Variants in ERAP1 observed in about 807,000 individuals in gnomAD.
The protein encoded by ERAP1 is adipocyte-derived leucine aminopeptidase.
Under a neutral mutation model 103.7 loss-of-function variants are expected in ERAP1, and 86 were observed. The ratio of observed to expected loss-of-function variants is 0.83; its 90% CI spans 0.70 to 0.99. The LOEUF is 0.99. Ranked by LOEUF, ERAP1 falls within the 50% of genes least tolerant of loss-of-function variation. The probability of loss-of-function intolerance (pLI) is 0.00; values close to 1 mark genes in which losing one functional copy is unlikely to be tolerated. For missense variants in ERAP1, 1,009 were observed against 1,128.4 expected (o/e 0.89, Z 1.52); for synonymous variants, 398 against 402.4 (o/e 0.99, Z 0.13).
chr5:96,771,580 A>C, downstream of ERAP1: 1 of 1,196,238 alleles, frequency 8.4e-7, no homozygotes, highest in Non-Finnish European at 1.2e-6. Flanking sequence ...AATTCTGAGA[A>C]GGCCATCTCC....
chr5:96,818,346 C>T, the ERAP1 span, among the ~76,000 whole-genome samples: 6 of 152,062 alleles, frequency 3.9e-5, no homozygotes, highest in East Asian at 1.9e-4. Flanking sequence ...CTCTGGCCAC[C>T]GCGATGAGGC....
chr5:96,835,202 T>C, the ERAP1 span, among the ~76,000 whole-genome samples: 1 of 152,236 alleles, frequency 6.6e-6, no homozygotes, highest in African/African-American at 2.4e-5. Flanking sequence ...TTGACTGTCC[T>C]AGAAGGCTAA....
the ERAP1 span, among the ~76,000 whole-genome samples, chr5:96,852,478 T>C: frequency 6.6e-6 from 1 of 152,202 alleles, no homozygotes; most frequent in Non-Finnish European, 1.5e-5. Context: ...GTTTCTAGCC[T>C]AGGAAAGTAC....
chr5:96,764,526 C>A (rs1769133317), intron 19 of ERAP1, among the ~76,000 whole-genome samples: 1 of 152,190 alleles, frequency 6.6e-6, no homozygotes, highest in African/African-American at 2.4e-5. Flanking sequence ...TTCAGAAATT[C>A]TCTGAAGTCT....
At chr5:96,932,614 GCGTAAATATTCTA>G in the ERAP1 span, among the ~76,000 whole-genome samples, 10 of 152,302 alleles carry the variant, frequency 6.6e-5, no homozygotes, top group East Asian at 1.9e-3. Flanking sequence ...CGTGGATTGT[GCGTAAATATTCTA>G]CCCTCTCTAG....
At chr5:96,789,226 CCTGTAATCCTAGCA>C (rs1776444410) in intron 10 of ERAP1, among the ~76,000 whole-genome samples, 1 of 152,200 alleles carries the variant, frequency 6.6e-6, no homozygotes, top group Admixed American at 6.5e-5. Flanking sequence ...GTGGCTCATG[CCTGTAATCCTAGCA>C]CTTTCGGAGT....
At chr5:96,847,405 A>G in the ERAP1 span, among the ~76,000 whole-genome samples, 1 of 152,194 alleles carries the variant, frequency 6.6e-6, no homozygotes, top group Non-Finnish European at 1.5e-5. Context: ...TCCCAACACA[A>G]TGGAAAGATC....
chr5:96,875,303 G>A, the ERAP1 span, among the ~76,000 whole-genome samples: 4 of 152,116 alleles, frequency 2.6e-5, no homozygotes, highest in Non-Finnish European at 4.4e-5. Context: ...GGGAGGCTGA[G>A]GCAGAAGGAT....
the ERAP1 span, among the ~76,000 whole-genome samples, chr5:96,840,386 T>C: frequency 6.6e-6 from 1 of 152,208 alleles, no homozygotes; most frequent in South Asian, 2.1e-4. Flanking sequence ...TTATTTTCAC[T>C]CTTTTTTTTC....
intron 19 of ERAP1, among the ~76,000 whole-genome samples, chr5:96,767,688 G>GA (rs1770490807): frequency 6.6e-6 from 1 of 152,148 alleles, no homozygotes; most frequent in Admixed American, 6.6e-5. Flanking sequence ...GAGGCTCAGA[G>GA]AATGCTAAGC....
At chr5:96,851,655 A>G in the ERAP1 span, among the ~76,000 whole-genome samples, 1 of 152,176 alleles carries the variant, frequency 6.6e-6, no homozygotes, top group Non-Finnish European at 1.5e-5. Context: ...TATGAATTCA[A>G]TCCAAGACAG....
At position 96,775,138 on chromosome 5, in the gene ERAP1, T is replaced by TTAAC. The variant is rs1773937950; in HGVS notation, c.*1254_*1257dup. On this transcript the variant is annotated 3_prime_UTR_variant, in exon 19 of 19. Transcript: ENST00000443439. ...GAAATAAAATCTAATTCTTAGGGTA[T>TTAAC]TAACTGACTTGACTTGAACTCCGTT... 1.8e-5 allele frequency: 18 copies of TTAAC among 985,564 alleles called. No homozygotes were observed. The highest frequency in any genetic ancestry group is 2.2e-5 in the Non-Finnish European group (18 of 829,926). The allele number at this position is 985,564 out of a possible 1,614,324, so 61.1% of individuals were successfully genotyped here.
the ERAP1 span, among the ~76,000 whole-genome samples, chr5:96,855,416 T>C: frequency 6.6e-6 from 1 of 152,186 alleles, no homozygotes; most frequent in Non-Finnish European, 1.5e-5. Flanking sequence ...ACAGGATACA[T>C]TGTCTATATC....
At chr5:96,856,365 T>TATATATATATATATATATATAGAGAGAG in the ERAP1 span, among the ~76,000 whole-genome samples, 12 of 20,378 alleles carry the variant, frequency 5.9e-4, no homozygotes, top group Non-Finnish European at 8.9e-4. Context: ...TATATATATA[T>TATATATATATATATATATATAGAGAGAG]AGAGAGAGAG....
At chr5:96,856,678 C>A in the ERAP1 span, among the ~76,000 whole-genome samples, 1 of 152,070 alleles carries the variant, frequency 6.6e-6, no homozygotes, top group African/African-American at 2.4e-5. Flanking sequence ...GGCCTTTGGC[C>A]ATAGATCCCT....
chr5:96,762,173 AAC>A, exon 20 of ERAP1: 1 of 597,294 alleles, frequency 1.7e-6, no homozygotes, highest in East Asian at 3.0e-5. Context: ...CAAGAGAATA[AAC>A]AGTCATTAAG....
At chr5:96,879,335 A>G in the ERAP1 span, among the ~76,000 whole-genome samples, 1 of 152,228 alleles carries the variant, frequency 6.6e-6, no homozygotes, top group African/African-American at 2.4e-5. Context: ...TTCAGAAGAA[A>G]TTCATTACAT....
chr5:96,923,036 C>G, the ERAP1 span, among the ~76,000 whole-genome samples: 10,690 of 152,146 alleles, frequency 0.07, 447 homozygotes, highest in Middle Eastern at 0.15. Flanking sequence ...TGGAGTGTCA[C>G]GATCGTAGCT....
At chr5:96,830,330 T>A in the ERAP1 span, among the ~76,000 whole-genome samples, 2 of 152,176 alleles carry the variant, frequency 1.3e-5, no homozygotes, top group African/African-American at 2.4e-5. Flanking sequence ...ACCTTAGGCC[T>A]CGAAATGTCT....
Sources: allele counts gnomAD v4.1 joint callset (sites outside exome capture counted in the v4.1 genomes callset), GRCh38; gene constraint gnomAD v4.1.1; transcripts MANE v1.5; gene names NCBI Gene and HGNC (gene_info 2026-07-23, HGNC 2026-07-21).